PSMD14: variants seen among roughly 807,000 people sequenced by gnomAD.
PSMD14 encodes the protein proteasome 26S subunit, non-ATPase 14.
A neutral mutation model predicts 41.2 loss-of-function variants in PSMD14; 7 were observed. The observed-to-expected ratio is 0.17, with a 90% confidence interval of 0.10 to 0.32. The LOEUF is 0.32. Among genes scored for constraint, PSMD14 ranks in the 10% least tolerant of loss-of-function variants. PSMD14 has a pLI of 1.00. For synonymous variants in PSMD14, 114 were observed against 122.3 expected, an observed-to-expected ratio of 0.93 and a Z score of 0.45; for missense variants, 139 against 375.6, an observed-to-expected ratio of 0.37 and a Z score of 5.21.
chr2:161,358,634 C>T lies in PSMD14; in HGVS notation c.49-8844C>T, dbSNP rs571871947. Among the ~76,000 whole-genome samples, 5 of 152,248 alleles carry T rather than the reference C, an allele frequency of 3.3e-5. No individual in the cohort carries two copies. The South Asian group carries it at 1.0e-3, about 32-fold the overall frequency. ...AAACCCTTGACTCATACGTTTTTCTCCTTAAGTTTTTTCATGTTTAAAGAG... is the reference window on the plus strand; with the variant it reads ...AAACCCTTGACTCATACGTTTTTCTTCTTAAGTTTTTTCATGTTTAAAGAG... On this transcript the variant is annotated intron_variant, in intron 3 of 11. Coordinates refer to ENST00000409682, the MANE Select transcript of PSMD14 (RefSeq NM_005805.6).
chr2:161,317,853 A>G (rs887216298), intron 2 of PSMD14, among the ~76,000 whole-genome samples: 1 of 152,252 alleles, frequency 6.6e-6, no homozygotes, highest in African/African-American at 2.4e-5. Flanking sequence ...ACTTAGGAAG[A>G]AGAGGAATTT....
chr2:161,395,400 A>G (rs958482469), intron 10 of PSMD14, among the ~76,000 whole-genome samples, 197 bp downstream of exon 10: 2 of 152,192 alleles, frequency 1.3e-5, no homozygotes, highest in African/African-American at 4.8e-5. Flanking sequence ...ACAATATGTA[A>G]AAGAATGAAT....
At chr2:161,364,163 G>A (rs1683327034) in intron 3 of PSMD14, among the ~76,000 whole-genome samples, 1 of 152,150 alleles carries the variant, frequency 6.6e-6, no homozygotes. Flanking sequence ...GCTTCATTCT[G>A]CTGGTTGATA....
At chr2:161,385,895 G>GT (rs1280891004) in intron 8 of PSMD14, among the ~76,000 whole-genome samples, 1 of 151,700 alleles carries the variant, frequency 6.6e-6, no homozygotes, top group Non-Finnish European at 1.5e-5. Flanking sequence ...GGTGAAGGAT[G>GT]TAACTATTAT....
intron 3 of PSMD14, among the ~76,000 whole-genome samples, chr2:161,323,380 T>C (rs1177229998): frequency 6.6e-6 from 1 of 152,150 alleles, no homozygotes; most frequent in Non-Finnish European, 1.5e-5. Context: ...AATGTTAATA[T>C]TGGCCAGGCC....
At chr2:161,386,459 A>G (rs1683637572) in intron 8 of PSMD14, among the ~76,000 whole-genome samples, 1 of 151,790 alleles carries the variant, frequency 6.6e-6, no homozygotes, top group African/African-American at 2.4e-5. Context: ...TTACACTTTG[A>G]TAACTTTATA....
intron 9 of PSMD14, among the ~76,000 whole-genome samples, chr2:161,391,457 T>C (rs1210121512): frequency 6.6e-6 from 1 of 152,178 alleles, no homozygotes; most frequent in African/African-American, 2.4e-5. Flanking sequence ...AATATTTCTT[T>C]TAGTTCTGTG....
At chr2:161,375,975 C>G (rs1487206020) in intron 7 of PSMD14, among the ~76,000 whole-genome samples, 1 of 151,408 alleles carries the variant, frequency 6.6e-6, no homozygotes, top group Non-Finnish European at 1.5e-5. Context: ...GGGTGGGTAG[C>G]AAATATTTTA....
At chr2:161,360,684 A>G (rs1436590483) in intron 3 of PSMD14, among the ~76,000 whole-genome samples, 4 of 151,878 alleles carry the variant, frequency 2.6e-5, no homozygotes, top group African/African-American at 9.7e-5. Context: ...TTGCAAGTAC[A>G]TGCCACCACA....
chr2:161,359,565 A>G (rs752421917), intron 3 of PSMD14, among the ~76,000 whole-genome samples: 1 of 152,144 alleles, frequency 6.6e-6, no homozygotes, highest in Non-Finnish European at 1.5e-5. Flanking sequence ...TATACAGTGT[A>G]TAGTGCATTT....
chr2:161,322,064 G>T (rs140367301), intron 3 of PSMD14, among the ~76,000 whole-genome samples: 2 of 152,122 alleles, frequency 1.3e-5, no homozygotes, highest in East Asian at 3.9e-4. Flanking sequence ...ATGTTGATCA[G>T]CCCTCATCTG....
At chr2:161,342,255 A>G (rs371663038) in intron 3 of PSMD14, among the ~76,000 whole-genome samples, 4 of 152,268 alleles carry the variant, frequency 2.6e-5, no homozygotes, top group South Asian at 2.1e-4. Flanking sequence ...ACCATCAAAC[A>G]TGATATTAGC....
chr2:161,396,618 GGAATGT>G (rs1683800588), intron 10 of PSMD14, among the ~76,000 whole-genome samples: 1 of 152,168 alleles, frequency 6.6e-6, no homozygotes, highest in South Asian at 2.1e-4. Context: ...GTGGTTACCA[GGAATGT>G]GAGGTTTGGG....
intron 11 of PSMD14, among the ~76,000 whole-genome samples, chr2:161,410,573 A>G (rs1684010592): frequency 6.6e-6 from 1 of 152,070 alleles, no homozygotes. Context: ...TTATTACAAT[A>G]CAATTTTAAG....
At chr2:161,376,837 T>A (rs1305624352) in intron 7 of PSMD14, among the ~76,000 whole-genome samples, 9 of 152,024 alleles carry the variant, frequency 5.9e-5, no homozygotes, top group Admixed American at 5.9e-4. Context: ...AATAGTTTTT[T>A]AATAAATGTT....
intron 7 of PSMD14, among the ~76,000 whole-genome samples, chr2:161,373,453 T>C (rs1683465414): frequency 6.6e-6 from 1 of 151,934 alleles, no homozygotes; most frequent in South Asian, 2.1e-4. Context: ...TTGATTGTAA[T>C]TTATGGTTCT....
At chr2:161,402,429 G>A (rs7586485) in intron 10 of PSMD14, among the ~76,000 whole-genome samples, 128,311 of 152,004 alleles carry the variant, frequency 0.84, 54,366 homozygotes, top group African/African-American at 0.92. Flanking sequence ...CATCACTTGA[G>A]CCCAGGAGTT....
At chr2:161,377,766 C>T (rs1419835963) in intron 7 of PSMD14, among the ~76,000 whole-genome samples, 3 of 151,842 alleles carry the variant, frequency 2.0e-5, no homozygotes, top group Admixed American at 2.0e-4. Context: ...ATACATCATT[C>T]ATTACCTGTA....
At chr2:161,331,306 G>A (rs1191247009) in intron 3 of PSMD14, among the ~76,000 whole-genome samples, 4 of 150,786 alleles carry the variant, frequency 2.7e-5, no homozygotes, top group East Asian at 3.9e-4. Flanking sequence ...TCTGTTGCTC[G>A]GGCTAGAGTG....
Sources: allele counts gnomAD v4.1 joint callset (sites outside exome capture counted in the v4.1 genomes callset), GRCh38; gene constraint gnomAD v4.1.1; transcripts MANE v1.5; gene names NCBI Gene and HGNC (gene_info 2026-07-23, HGNC 2026-07-21).